RRM2: variants seen among roughly 807,000 people sequenced by gnomAD.
The protein encoded by RRM2 is ribonucleotide reductase regulatory subunit M2, also known as ribonucleoside-diphosphate reductase subunit M2.
RRM2 carries 6 observed loss-of-function variants against 45.9 expected under a neutral mutation model. The ratio of observed to expected loss-of-function variants is 0.13; its 90% CI spans 0.07 to 0.26. The LOEUF (loss-of-function observed/expected upper bound fraction) is 0.26. Ranked by LOEUF, RRM2 falls within the 10% of genes least tolerant of loss-of-function variation. The pLI is 1.00. For missense variants in RRM2, 343 were observed against 489.5 expected (o/e 0.70, Z 2.82); for synonymous variants, 177 against 173.0 (o/e 1.02, Z -0.18).
chr2:10,170,258 G>A (rs1663771277), intron 3 of RRM2, among the ~76,000 whole-genome samples: 2 of 152,172 alleles, frequency 1.3e-5, no homozygotes. Flanking sequence ...TTGATTTTGA[G>A]GCTGAGCAGG....
chr2:10,145,077 GA>G (rs1663161862), intron 3 of RRM2, among the ~76,000 whole-genome samples: 1 of 152,058 alleles, frequency 6.6e-6, no homozygotes, highest in Non-Finnish European at 1.5e-5. Context: ...CTGCGGGAGG[GA>G]AAGGAGGGAG....
chr2:10,144,923 G>A (rs1384299108), intron 3 of RRM2, among the ~76,000 whole-genome samples: 7 of 152,314 alleles, frequency 4.6e-5, no homozygotes, highest in Admixed American at 1.3e-4. Flanking sequence ...GGGGGTGACC[G>A]TGTTATGCAA....
rs189116553 is a variant in RRM2, at chr2:10,128,536, T to C, written c.799-312T>C. On this transcript the variant is annotated intron_variant, in intron 7 of 9. Coordinates refer to ENST00000304567, the MANE Select transcript of RRM2 (RefSeq NM_001034.4). The stretch of plus-strand genomic sequence containing the variant: ...GGAGTAGTGGCAAAATTAGCACTCA[T>C]GGCTGTAGAAAGATCACTGAGTGAA... 5.3e-5 allele frequency among the ~76,000 whole-genome samples: 8 copies of C among 152,342 alleles called. No homozygotes were observed. The East Asian group carries it at 1.5e-3, about 29-fold the overall frequency.
At position 10,122,998 on chromosome 2, in the gene RRM2, G is replaced by C; in HGVS notation, c.115G>C (p.Gly39Arg). The C allele has an allele frequency of 6.4e-7, 1 of 1,560,798 alleles. No individual in the cohort carries two copies. Among genetic ancestry groups the C allele is most frequent in the Non-Finnish European group, 8.6e-7 (1 of 1,159,650 alleles). The change falls in exon 2 of 10, where the codon GGG becomes CGG. Residue 39 changes from glycine to arginine, a missense_variant. Physicochemically the swap from Gly to Arg is moderately radical, Grantham distance 125. Coordinates refer to ENST00000304567, the MANE Select transcript of RRM2 (RefSeq NM_001034.4). ...CTCCCCGCAGCCGCCGGCCCTGAGC[G>C]GGACCCGCGTCCTGGCCAGCAAGAC... ...DKENTPPALS[G>R]TRVLASKTAR...
chr2:10,130,628 TAA>T lies in RRM2; in HGVS notation c.*1243_*1244del, dbSNP rs1662878693. 7.0e-6 allele frequency: 1 copy of T among 143,434 alleles called. No homozygotes were observed. Among genetic ancestry groups the T allele is most frequent in the Non-Finnish European group, 1.5e-5 (1 of 66,104 alleles). The allele number at this position is 143,434 out of a possible 1,614,324, so 8.9% of individuals were successfully genotyped here. A position where few individuals can be genotyped will look rare whatever the true frequency, so the allele number is the denominator to read the frequency against. The stretch of plus-strand genomic sequence containing the variant: ...CAAATATTAATTTCAGAATGAAACA[TAA>T]TTTTTTTTTTTTTTTTTGAGATGGA... On this transcript the variant is annotated 3_prime_UTR_variant, in exon 10 of 10. Transcript: ENST00000304567.
rs1663279742 is a variant in RRM2 at position 10,150,299 on chromosome 2, TAGTC to T, written n.482+7927_482+7930del. On this transcript the variant is annotated intron_variant and non_coding_transcript_variant, in intron 3 of 3. Transcript: ENST00000381786. The stretch of plus-strand genomic sequence containing the variant: ...CATCTCTACTAAAAATACAAAAAAT[TAGTC>T]AGGCACGGTGGCAGGTGCTTATAAT... Among the ~76,000 whole-genome samples, 6 of 152,030 alleles carry T rather than the reference TAGTC, an allele frequency of 3.9e-5. No homozygotes were observed. In the South Asian group the frequency reaches 1.2e-3, roughly 32 times the overall value.
chr2:10,209,616 CGT>C (rs57435746), intron 3 of RRM2, among the ~76,000 whole-genome samples: 101,219 of 150,498 alleles, frequency 0.67, 34,048 homozygotes, highest in South Asian at 0.78. Flanking sequence ...TGCGTGCATG[CGT>C]GTGTGTGTGT....
rs1458943452 is a variant in RRM2, at chr2:10,195,657, C to T, written n.483-14654C>T. Among the ~76,000 whole-genome samples the T allele has an allele frequency of 6.6e-6, 1 of 152,176 alleles. No homozygotes were observed. Among genetic ancestry groups the T allele is most frequent in the Non-Finnish European group, 1.5e-5 (1 of 68,014 alleles). On this transcript the variant is annotated intron_variant and non_coding_transcript_variant, in intron 3 of 3. Transcript: ENST00000381786. The surrounding 1 kb of genome is among the most constrained non-coding windows in gnomAD (Gnocchi z 4.9). ...GTGAGCCTCGGGTGGACCCATGTGGCAGACCTGTGAGTTGGTCCCCGACAG... is the reference window on the plus strand; with the variant it reads ...GTGAGCCTCGGGTGGACCCATGTGGTAGACCTGTGAGTTGGTCCCCGACAG...
intron 3 of RRM2, among the ~76,000 whole-genome samples, chr2:10,187,787 C>T (rs1465910084): frequency 2.0e-5 from 3 of 152,228 alleles, no homozygotes. Flanking sequence ...CCTCCAGCAC[C>T]ATGATTCGGT....
intron 3 of RRM2, among the ~76,000 whole-genome samples, chr2:10,200,679 G>GAGGCCCACAGGGAC (rs2125333285): frequency 7.4e-6 from 1 of 134,656 alleles, no homozygotes; most frequent in Non-Finnish European, 1.7e-5. Flanking sequence ...CACAGGGACT[G>GAGGCCCACAGGGAC]CGCGCACAAA....
intron 3 of RRM2, among the ~76,000 whole-genome samples, chr2:10,163,152 A>C (rs550466597): frequency 6.6e-6 from 1 of 152,350 alleles, no homozygotes; most frequent in South Asian, 2.1e-4. Flanking sequence ...TGTGAAAGTC[A>C]AGCTGAACCT....
exon 4 of RRM2, chr2:10,210,884 C>T: frequency 3.6e-6 from 1 of 281,616 alleles, no homozygotes; most frequent in South Asian, 3.5e-5. Flanking sequence ...TGTGAGGACA[C>T]AGAGGGCAGC....
upstream of RRM2, among the ~76,000 whole-genome samples, chr2:10,137,711 CGG>C (rs1443435468): frequency 6.6e-6 from 1 of 152,176 alleles, no homozygotes; most frequent in Non-Finnish European, 1.5e-5. Context: ...AGGTGGAAAA[CGG>C]GGAGATTTCA....
At chr2:10,141,039 G>A (rs1271092741), upstream of RRM2, among the ~76,000 whole-genome samples, 2 of 152,066 alleles carry the variant, frequency 1.3e-5, no homozygotes, top group Non-Finnish European at 1.5e-5. Context: ...TCTCGCCCAC[G>A]TCGCTGTCAT....
chr2:10,124,010 A>G lies in RRM2; in HGVS notation c.435+158A>G, dbSNP rs1056636741. ...CATTTCCTGTTTTGTAACACTTTGC[A>G]GTTCTTTCTTATGGTATTTTCCCGA... On this transcript the variant is annotated intron_variant, in intron 4 of 9. Coordinates refer to ENST00000304567, the MANE Select transcript of RRM2 (RefSeq NM_001034.4). The G allele has an allele frequency of 1.4e-5, 9 of 654,282 alleles. No homozygotes were observed. The East Asian group carries it at 2.3e-4, about 17-fold the overall frequency. The allele number at this position is 654,282 out of a possible 1,614,324, so 40.5% of individuals were successfully genotyped here. A position where few individuals can be genotyped will look rare whatever the true frequency, so the allele number is the denominator to read the frequency against.
intron 3 of RRM2, among the ~76,000 whole-genome samples, chr2:10,159,861 C>T (rs761013549): frequency 1.3e-5 from 2 of 152,188 alleles, no homozygotes; most frequent in Non-Finnish European, 2.9e-5. Flanking sequence ...TGTAGCCTCA[C>T]GATTGTGCTT....
rs187805234 is a variant in RRM2, at chr2:10,154,748, T to G, written n.482+12373T>G. Among the ~76,000 whole-genome samples, 233 of 137,412 alleles carry G rather than the reference T, an allele frequency of 1.7e-3. 1 individual carries two copies. The highest frequency in any genetic ancestry group is 2.9e-3 in the Non-Finnish European group (193 of 65,924). The allele number at this position is 137,412 out of a possible 152,430, so 90.1% of individuals were successfully genotyped here. ...TTCACTCTTGTTGCCCAGGCTGGAG[T>G]GCAGTGGCGCGATCTCGGCTCACTG... On this transcript the variant is annotated intron_variant and non_coding_transcript_variant, in intron 3 of 3. Transcript: ENST00000381786.
chr2:10,181,806 TCAG>T (rs1239603967), intron 3 of RRM2, among the ~76,000 whole-genome samples: 10 of 130,318 alleles, frequency 7.7e-5, no homozygotes, highest in Non-Finnish European at 1.4e-4. Context: ...GCTCTGTCAC[TCAG>T]GCTGGAGTGC....
chr2:10,163,486 T>TGAG (rs1663611649), intron 3 of RRM2, among the ~76,000 whole-genome samples: 1 of 152,178 alleles, frequency 6.6e-6, no homozygotes, highest in Non-Finnish European at 1.5e-5. Flanking sequence ...CTCAGTCCAG[T>TGAG]GAGGGTTGGT....
Sources: gnomAD v4.1 joint callset for allele counts (sites outside exome capture counted in the v4.1 genomes callset) on GRCh38, gnomAD v4.1.1 for gene constraint, Gnocchi (gnomAD v3.1) non-coding constraint, MANE v1.5 for transcripts, NCBI Gene and HGNC (gene_info 2026-07-23, HGNC 2026-07-21) for gene names.